The following ERI1 variants were observed in gnomAD, a reference collection of about 807,000 sequenced individuals.
ERI1 encodes 3'-5' exoribonuclease 1.
In ERI1, 39 loss-of-function variants were observed where a neutral mutation model predicts 39.7. That is an observed-to-expected ratio of 0.98 (90% CI 0.76 to 1.28). The LOEUF is 1.28. Ranked by LOEUF, ERI1 falls within the 50% of genes most tolerant of loss-of-function variation. The probability of loss-of-function intolerance (pLI) is 0.00; values close to 1 mark genes in which losing one functional copy is unlikely to be tolerated. For synonymous variants in ERI1, 204 were observed against 149.6 expected, an observed-to-expected ratio of 1.36 and a Z score of -2.65; for missense variants, 581 against 416.9, an observed-to-expected ratio of 1.39 and a Z score of -3.43.
intron 6 of ERI1, among the ~76,000 whole-genome samples, chr8:9,026,960 A>G (rs1797210162): frequency 6.6e-6 from 1 of 152,090 alleles, no homozygotes; most frequent in East Asian, 1.9e-4. Context: ...TACAGATACC[A>G]TTCTTCTTCC....
At chr8:9,046,664 T>C (rs1343927935) in intron 3 of ERI1, among the ~76,000 whole-genome samples, 1 of 152,218 alleles carries the variant, frequency 6.6e-6, no homozygotes, top group African/African-American at 2.4e-5. Flanking sequence ...GAGCTCTTGC[T>C]CAGGAAGGAA....
intron 3 of ERI1, among the ~76,000 whole-genome samples, chr8:9,086,980 T>G (rs997803394): frequency 6.6e-6 from 1 of 152,106 alleles, no homozygotes; most frequent in Non-Finnish European, 1.5e-5. Flanking sequence ...TGCTGGGCGG[T>G]AGGATTCTGA....
intron 3 of ERI1, among the ~76,000 whole-genome samples, chr8:9,095,354 C>G (rs919534490): frequency 6.6e-6 from 1 of 152,170 alleles, no homozygotes; most frequent in African/African-American, 2.4e-5. Flanking sequence ...TTCCCGTTCT[C>G]TCTACCTCTC....
intron 6 of ERI1, among the ~76,000 whole-genome samples, chr8:9,026,886 G>A (rs905106775): frequency 6.6e-6 from 1 of 151,950 alleles, no homozygotes; most frequent in African/African-American, 2.4e-5. Context: ...TTGATTGTTT[G>A]ATGGACATTT....
At position 9,043,432 on chromosome 8, in the gene ERI1, CA is replaced by C. The variant is rs530886837; in HGVS notation, n.299+22969del. 2.7e-4 allele frequency among the ~76,000 whole-genome samples: 41 copies of C among 152,288 alleles called. 1 individual carries two copies. The South Asian group carries it at 8.5e-3, about 32-fold the overall frequency. On this transcript the variant is annotated intron_variant and non_coding_transcript_variant, in intron 3 of 3. Coordinates refer to the ERI1 transcript ENST00000518663. Reference sequence around the variant, plus strand: ...ATTCTTCACCCAAGCATGTAGAGGCCAGGCCTAAATCAAAGAGCTCAGAGGA... The same window carrying C: ...ATTCTTCACCCAAGCATGTAGAGGCCGGCCTAAATCAAAGAGCTCAGAGGA...
intron 3 of ERI1, among the ~76,000 whole-genome samples, chr8:9,092,544 G>T (rs1023845381): frequency 1.3e-5 from 2 of 152,180 alleles, no homozygotes; most frequent in Admixed American, 6.5e-5. Flanking sequence ...CATCACTGAA[G>T]ATTACGGGGA....
At position 9,011,719 on chromosome 8, in the gene ERI1, G is replaced by T. The variant is rs377629544; in HGVS notation, c.465G>T (p.Pro155=). 8 of 1,610,824 alleles carry T rather than the reference G, an allele frequency of 5.0e-6. No homozygotes were observed. Among genetic ancestry groups the T allele is most frequent in the Non-Finnish European group, 6.8e-6 (8 of 1,178,290 alleles). ...PEFVHEIIEF[P]VVLLNTHTLE... ...TTGTACATGAAATAATTGAATTTCCGGTTGTTTTACTGAATACGCATACTT... is the reference window on the plus strand; with the variant it reads ...TTGTACATGAAATAATTGAATTTCCTGTTGTTTTACTGAATACGCATACTT... Residue 155 remains proline (P), a synonymous_variant, in exon 3 of 7, where the codon CCG becomes CCT. Coordinates refer to ENST00000250263, the MANE Select transcript of ERI1 (RefSeq NM_153332.4).
chr8:9,062,900 C>G (rs1054368869), intron 3 of ERI1: 14 of 152,102 alleles, frequency 9.2e-5, no homozygotes, highest in African/African-American at 3.4e-4. Flanking sequence ...GCACTTGTAG[C>G]AAGCTCCTGG....
chr8:9,027,517 G>T (rs1051664519), intron 6 of ERI1, among the ~76,000 whole-genome samples: 6 of 151,834 alleles, frequency 4.0e-5, no homozygotes, highest in Non-Finnish European at 7.4e-5. Context: ...TTCTTTTGTT[G>T]CCTGTGTTTT....
At chr8:9,034,060 G>C (rs566593575), downstream of ERI1, among the ~76,000 whole-genome samples, 2 of 152,336 alleles carry the variant, frequency 1.3e-5, no homozygotes, top group South Asian at 2.1e-4. Context: ...CCATGTTCTT[G>C]AGATTAGAAA....
At chr8:9,084,128 GGT>G (rs1799454690) in intron 3 of ERI1, among the ~76,000 whole-genome samples, 1 of 152,040 alleles carries the variant, frequency 6.6e-6, no homozygotes, top group Non-Finnish European at 1.5e-5. Context: ...CTGGTGTGGT[GGT>G]GTGCACCTGT....
intron 3 of ERI1, among the ~76,000 whole-genome samples, chr8:9,067,558 G>C (rs1186874431): frequency 6.6e-6 from 1 of 151,828 alleles, no homozygotes. Flanking sequence ...AGGAGACTTA[G>C]GTGAGAGGAT....
At chr8:9,037,711 G>A (rs959155736), downstream of ERI1, among the ~76,000 whole-genome samples, 3 of 152,094 alleles carry the variant, frequency 2.0e-5, no homozygotes, top group African/African-American at 7.2e-5. Context: ...TTTTGGCAGA[G>A]TTACAGATAG....
intron 3 of ERI1, among the ~76,000 whole-genome samples, chr8:9,056,296 C>A (rs1482301448): frequency 1.3e-5 from 2 of 152,244 alleles, no homozygotes; most frequent in African/African-American, 4.8e-5. Context: ...TGTCCTGCTC[C>A]TACCTCTGTT....
At chr8:9,084,215 T>C (rs941631150) in intron 3 of ERI1, among the ~76,000 whole-genome samples, 5 of 152,150 alleles carry the variant, frequency 3.3e-5, no homozygotes, top group Non-Finnish European at 5.9e-5. Context: ...CAGTGAGCTT[T>C]CGTGGCATTA....
intron 3 of ERI1, among the ~76,000 whole-genome samples, chr8:9,015,315 C>T (rs905431523): frequency 6.6e-6 from 1 of 152,138 alleles, no homozygotes; most frequent in South Asian, 2.1e-4. Context: ...TCTATATCTA[C>T]TACCTAGGAT....
downstream of ERI1, among the ~76,000 whole-genome samples, chr8:9,037,222 T>G (rs571615757): frequency 2.1e-4 from 32 of 152,326 alleles, no homozygotes; most frequent in South Asian, 5.2e-3. Flanking sequence ...CTGCCAACTT[T>G]TACAGTAACC....
intron 3 of ERI1, among the ~76,000 whole-genome samples, chr8:9,069,272 C>T (rs1000775836): frequency 1.3e-5 from 2 of 152,178 alleles, no homozygotes; most frequent in Non-Finnish European, 2.9e-5. Flanking sequence ...CTCTCTGAAG[C>T]TGGGTATGAT....
chr8:9,036,697 T>G (rs1239152791), downstream of ERI1, among the ~76,000 whole-genome samples: 1 of 152,144 alleles, frequency 6.6e-6, no homozygotes, highest in Admixed American at 6.5e-5. Context: ...AGTCATTTTT[T>G]TTTTCTATTG....
Sources: allele counts gnomAD v4.1 joint callset (sites outside exome capture counted in the v4.1 genomes callset), GRCh38; gene constraint gnomAD v4.1.1; transcripts MANE v1.5; gene names NCBI Gene and HGNC (gene_info 2026-07-23, HGNC 2026-07-21).